CUX1: variants seen among roughly 807,000 people sequenced by gnomAD.
CUX1 encodes the protein cut like homeobox 1.
CUX1 carries 31 observed loss-of-function variants against 158.8 expected under a neutral mutation model. That is an observed-to-expected ratio of 0.20 (90% CI 0.15 to 0.26). The LOEUF is 0.26. Ranked by LOEUF, CUX1 falls within the 10% of genes least tolerant of loss-of-function variation. CUX1 has a pLI of 1.00. For synonymous variants in CUX1, 879 were observed against 862.1 expected (o/e 1.02, Z -0.34); for missense variants, 1,589 against 2,014.6 (o/e 0.79, Z 4.04).
intron 1 of CUX1, among the ~76,000 whole-genome samples, chr7:101,847,704 A>G (rs919592869): frequency 6.6e-6 from 1 of 150,590 alleles, no homozygotes; most frequent in African/African-American, 2.4e-5. Flanking sequence ...TCAGCCTCCC[A>G]AAGTGCTTTT....
At chr7:102,122,082 T>C (rs185840206) in intron 8 of CUX1, among the ~76,000 whole-genome samples, 3 of 152,332 alleles carry the variant, frequency 2.0e-5, no homozygotes, top group Admixed American at 1.3e-4. Flanking sequence ...CCCAGCTGTC[T>C]TGACCATCAT....
intron 4 of CUX1, among the ~76,000 whole-genome samples, chr7:102,091,593 C>T (rs1268822821): frequency 6.6e-6 from 1 of 152,184 alleles, no homozygotes; most frequent in African/African-American, 2.4e-5. Context: ...CCTCAGCCTC[C>T]CAAAGCACTG....
rs114693180 is a variant in CUX1, at chr7:101,880,331, A to G, written c.31-35784A>G. ...CTTGAGACTCGGTGCCTTTGGAACA[A>G]TGGCTCACAATGAGGACGGTGTGCG... On this transcript the variant is annotated intron_variant, in intron 1 of 23. Coordinates refer to ENST00000292535, the MANE Select transcript of CUX1 (RefSeq NM_181552.4). Among the ~76,000 whole-genome samples the G allele has an allele frequency of 1.0e-2, 1,517 of 152,274 alleles. 21 individuals carry two copies. The highest frequency in any genetic ancestry group is 0.035 in the African/African-American group (1,443 of 41,546).
chr7:101,940,965 G>A (rs1807633884), intron 2 of CUX1, among the ~76,000 whole-genome samples: 1 of 152,198 alleles, frequency 6.6e-6, no homozygotes, highest in South Asian at 2.1e-4. Flanking sequence ...CCTTCCCTGG[G>A]CTCTGCATTT....
chr7:102,200,030 G>A, intron 16 of CUX1, 41 bp from the exon 17 acceptor site: 1 of 1,541,208 alleles, frequency 6.5e-7, no homozygotes, highest in Non-Finnish European at 8.8e-7. Context: ...TTTTTGTCCG[G>A]GGTTTGGGTT....
intron 8 of CUX1, among the ~76,000 whole-genome samples, chr7:102,127,511 G>A (rs371077339): frequency 3.0e-4 from 45 of 152,124 alleles, no homozygotes; most frequent in African/African-American, 9.9e-4. Context: ...GCCCAAACTC[G>A]TCTGTTTTTT....
intron 23 of CUX1, among the ~76,000 whole-genome samples, chr7:102,247,539 C>G (rs1219165129): frequency 3.3e-5 from 5 of 152,168 alleles, no homozygotes; most frequent in Non-Finnish European, 5.9e-5. Context: ...CGATAAGAAC[C>G]CTGGCCAGAA....
intron 1 of CUX1, among the ~76,000 whole-genome samples, chr7:101,881,997 G>T (rs1799758841): frequency 7.1e-6 from 1 of 141,420 alleles, no homozygotes; most frequent in African/African-American, 2.7e-5. Context: ...TGGCAACATA[G>T]TGAGACCTTG....
rs570451347 is a variant in CUX1 at position 101,933,683 on chromosome 7, C to T, written c.141+17458C>T. Among the ~76,000 whole-genome samples the T allele has an allele frequency of 3.5e-4, 53 of 152,152 alleles. No homozygotes were observed. In the South Asian group the frequency reaches 4.8e-3, roughly 14 times the overall value. On this transcript the variant is annotated intron_variant, in intron 2 of 23. Transcript: ENST00000292535. ...TTTCGATTTCTTACCTCCCGTTGAC[C>T]GTTTTGATCATAAAGTGAAGATGAA...
At chr7:101,895,945 T>C (rs1479446266) in intron 1 of CUX1, among the ~76,000 whole-genome samples, 1 of 144,118 alleles carries the variant, frequency 6.9e-6, no homozygotes, top group Non-Finnish European at 1.5e-5. Context: ...GGTCTTACTC[T>C]GTCATGCAGG....
chr7:102,172,048 G>A (rs1443279473), intron 10 of CUX1, among the ~76,000 whole-genome samples: 1 of 152,150 alleles, frequency 6.6e-6, no homozygotes, highest in African/African-American at 2.4e-5. Flanking sequence ...TTCAATCATT[G>A]ACAATCATTA....
chr7:101,842,711 CATTAT>C (rs1200824516), intron 1 of CUX1, among the ~76,000 whole-genome samples: 1 of 151,170 alleles, frequency 6.6e-6, no homozygotes. Flanking sequence ...ACAGTTGTTA[CATTAT>C]ATTAGGTTAA....
At position 102,007,814 on chromosome 7, in the gene CUX1, G is replaced by A. The variant is rs780878354; in HGVS notation, c.142-20284G>A. Among the ~76,000 whole-genome samples, 127 of 151,164 alleles carry A rather than the reference G, an allele frequency of 8.4e-4. 1 individual carries two copies. The highest frequency in any genetic ancestry group is 1.4e-3 in the Non-Finnish European group (94 of 67,876). On this transcript the variant is annotated intron_variant, in intron 2 of 23. Transcript: ENST00000292535. ...GGCTGGAGTGCAGTGGTGCGATCTC[G>A]GCTCACTGCAACCTCCGCCTCCTGG...
chr7:102,202,412 C>G (rs1272689875), intron 18 of CUX1, among the ~76,000 whole-genome samples: 3 of 152,200 alleles, frequency 2.0e-5, no homozygotes, highest in Non-Finnish European at 4.4e-5. Context: ...CAGCCAGGTT[C>G]TAGGCTCAGC....
At position 102,204,453 on chromosome 7, in the gene CUX1, G is replaced by A. The variant is rs1554520527; in HGVS notation, c.2970G>A (p.Lys990=). 6.2e-7 allele frequency: 1 copy of A among 1,613,798 alleles called. No individual in the cohort carries two copies. Among genetic ancestry groups the A allele is most frequent in the Admixed American group, 1.7e-5 (1 of 60,028 alleles). The part of the protein sequence containing the change: ...DMLSRPKPWS[K]LTQKGREPFI... ...TGTCCCGACCGAAGCCATGGAGCAA[G>A]CTGACGCAGAAAGGCCGAGAACCCT... The change falls in exon 19 of 24, where the codon AAG becomes AAA. Residue 990 remains lysine, a synonymous_variant. Coordinates refer to ENST00000292535, the MANE Select transcript of CUX1 (RefSeq NM_181552.4).
intron 1 of CUX1, among the ~76,000 whole-genome samples, chr7:101,829,757 A>G (rs1793771643): frequency 6.6e-6 from 1 of 152,092 alleles, no homozygotes; most frequent in Admixed American, 6.5e-5. Context: ...CAAGACTTCA[A>G]ACTCAGCCCC....
intron 20 of CUX1, among the ~76,000 whole-genome samples, chr7:102,226,975 G>A (rs1274956120): frequency 6.6e-6 from 1 of 152,066 alleles, no homozygotes; most frequent in Non-Finnish European, 1.5e-5. Flanking sequence ...TTTTTGTTCT[G>A]GAAAATATGG....
chr7:101,844,041 A>G (rs1048453189), intron 1 of CUX1, among the ~76,000 whole-genome samples: 23 of 152,178 alleles, frequency 1.5e-4, no homozygotes, highest in Non-Finnish European at 5.9e-5. Context: ...TGACCCAACT[A>G]GTCTGAGTTC....
intron 1 of CUX1, among the ~76,000 whole-genome samples, chr7:101,856,369 A>G (rs998618436): frequency 2.0e-5 from 3 of 151,900 alleles, no homozygotes; most frequent in African/African-American, 7.3e-5. Context: ...GTCTTCACCT[A>G]TTTCCCTCCC....
Sources: allele counts gnomAD v4.1 joint callset (sites outside exome capture counted in the v4.1 genomes callset), GRCh38; gene constraint gnomAD v4.1.1; transcripts MANE v1.5; gene names NCBI Gene and HGNC (gene_info 2026-07-23, HGNC 2026-07-21).